The following AKR1C3 variants were observed in gnomAD, a reference collection of about 807,000 sequenced individuals.
AKR1C3 encodes 3-alpha hydroxysteroid dehydrogenase, type II.
A neutral mutation model predicts 43.6 loss-of-function variants in AKR1C3; 48 were observed. The ratio of observed to expected loss-of-function variants is 1.10; its 90% CI spans 0.87 to 1.40. The LOEUF is 1.40. Ranked by LOEUF, AKR1C3 falls within the 40% of genes most tolerant of loss-of-function variation. The probability of loss-of-function intolerance (pLI) is 0.00; values close to 1 mark genes in which losing one functional copy is unlikely to be tolerated. For missense variants in AKR1C3, 482 were observed against 391.2 expected, an observed-to-expected ratio of 1.23 and a Z score of -1.96; for synonymous variants, 162 against 139.6, an observed-to-expected ratio of 1.16 and a Z score of -1.13.
chr10:5,067,591 G>T (rs1374432643), intron 1 of AKR1C3, among the ~76,000 whole-genome samples: 1 of 150,484 alleles, frequency 6.6e-6, no homozygotes, highest in Non-Finnish European at 1.5e-5. Context: ...CAGCCCTCTT[G>T]CATGGGAAAG....
At chr10:5,106,656 C>T (rs2131855655) in intron 8 of AKR1C3, among the ~76,000 whole-genome samples, 1 of 151,556 alleles carries the variant, frequency 6.6e-6, no homozygotes, top group Middle Eastern at 3.4e-3. Context: ...AAGGCTGAGG[C>T]AGGAGAATCG....
intron 4 of AKR1C3, 78 bp downstream of exon 4, chr10:5,098,957 T>A: frequency 8.5e-7 from 1 of 1,179,526 alleles, no homozygotes; most frequent in Non-Finnish European, 1.2e-6. Flanking sequence ...TAGGAAAGAA[T>A]GGAATATGCA....
At position 5,094,442 on chromosome 10, in the gene AKR1C3, G is replaced by T; in HGVS notation, c.-3G>T. On this transcript the variant is annotated 5_prime_UTR_variant, in exon 1 of 9. Coordinates refer to ENST00000380554, the MANE Select transcript of AKR1C3 (RefSeq NM_003739.6). ...CATTTGCTAGTCAGACAAGTGACAG[G>T]GAATGGATTCCAAACACCAGTGTGT... The T allele has an allele frequency of 6.2e-7, 1 of 1,608,558 alleles. No individual in the cohort carries two copies. The highest frequency in any genetic ancestry group is 8.5e-7 in the Non-Finnish European group (1 of 1,175,380).
chr10:5,064,089 C>G (rs369638295), intron 1 of AKR1C3, among the ~76,000 whole-genome samples: 1 of 152,180 alleles, frequency 6.6e-6, no homozygotes, highest in African/African-American at 2.4e-5. Context: ...AAAATTATAT[C>G]GTGAGATTGC....
At chr10:5,053,129 C>G (rs1165444329) in intron 1 of AKR1C3, among the ~76,000 whole-genome samples, 1 of 152,258 alleles carries the variant, frequency 6.6e-6, no homozygotes, top group Non-Finnish European at 1.5e-5. Context: ...GCCTGCCAGT[C>G]CCGTGCCATG....
At position 5,102,082 on chromosome 10, in the gene AKR1C3, C is replaced by T; in HGVS notation, c.571-19C>T. 1.4e-6 allele frequency: 2 copies of T among 1,468,788 alleles called. No individual in the cohort carries two copies. Among genetic ancestry groups the T allele is most frequent in the South Asian group, 2.3e-5 (2 of 86,652 alleles). 91.0% of individuals were successfully genotyped at this position (1,468,788 alleles called of 1,614,324 possible). On this transcript the variant is annotated intron_variant, in intron 5 of 8. Transcript: ENST00000380554. ...CTATTTCATATAAATTGATGCTTCT[C>T]TCTTTTGGTCAACTGCAGGTAGAAT... is the stretch of plus-strand genomic sequence containing the variant.
intron 1 of AKR1C3, among the ~76,000 whole-genome samples, chr10:5,067,362 GGTTA>G (rs1270816877): frequency 2.6e-5 from 4 of 152,230 alleles, no homozygotes; most frequent in East Asian, 3.9e-4. Flanking sequence ...AAATTTCCCT[GGTTA>G]GTTTTACCTT....
intron 1 of AKR1C3, among the ~76,000 whole-genome samples, chr10:5,067,938 T>C (rs1470155494): frequency 6.6e-6 from 1 of 152,216 alleles, no homozygotes; most frequent in African/African-American, 2.4e-5. Flanking sequence ...TGAATACCAG[T>C]TGATTCTCCA....
At chr10:5,061,673 A>C (rs1472946294) in intron 1 of AKR1C3, among the ~76,000 whole-genome samples, 1 of 152,204 alleles carries the variant, frequency 6.6e-6, no homozygotes, top group South Asian at 2.1e-4. Flanking sequence ...CTGATGCCCA[A>C]TTACAGTATT....
At chr10:5,053,819 G>C (rs1838206603) in intron 1 of AKR1C3, among the ~76,000 whole-genome samples, 1 of 152,244 alleles carries the variant, frequency 6.6e-6, no homozygotes, top group South Asian at 2.1e-4. Flanking sequence ...CCAGCAGGTT[G>C]GTCCAGGGGT....
chr10:5,100,361 GGAACT>G (rs1554785766), intron 5 of AKR1C3, among the ~76,000 whole-genome samples: 2 of 152,212 alleles, frequency 1.3e-5, no homozygotes, highest in African/African-American at 2.4e-5. Context: ...TCAACACTGA[GGAACT>G]TTAGCAGAAC....
chr10:5,064,921 C>CAAAAAA (rs35858845), intron 1 of AKR1C3, among the ~76,000 whole-genome samples: 2,285 of 141,750 alleles, frequency 0.016, 74 homozygotes, highest in African/African-American at 0.058. Context: ...ACAAAATAAG[C>CAAAAAA]AAAAAAAAAA....
At chr10:5,099,573 G>C in intron 5 of AKR1C3, 124 bp downstream of exon 5, 1 of 1,509,130 alleles carries the variant, frequency 6.6e-7, no homozygotes, top group Non-Finnish European at 9.0e-7. Flanking sequence ...AGAGAGCAAA[G>C]CTTCTGTCAA....
chr10:5,063,016 C>A (rs1238950763), intron 1 of AKR1C3, among the ~76,000 whole-genome samples: 1 of 152,028 alleles, frequency 6.6e-6, no homozygotes, highest in Non-Finnish European at 1.5e-5. Flanking sequence ...GTGAATAATT[C>A]AGGATGAAGG....
At chr10:5,102,977 G>A (rs1235776825) in intron 7 of AKR1C3, among the ~76,000 whole-genome samples, 2 of 148,338 alleles carry the variant, frequency 1.3e-5, no homozygotes, top group Non-Finnish European at 3.0e-5. Flanking sequence ...GTCTCATTCT[G>A]TCTCCCAGAT....
In AKR1C3 at chr10:5,063,925, C is replaced by T. The variant is rs189829469; in HGVS notation, c.84+15030C>T. Among the ~76,000 whole-genome samples, 1,166 of 152,096 alleles carry T rather than the reference C, an allele frequency of 7.7e-3. 8 individuals are homozygous for T. Among genetic ancestry groups the T allele is most frequent in the Middle Eastern group, 0.014 (4 of 290 alleles). On this transcript the variant is annotated intron_variant, in intron 1 of 8. Coordinates refer to the AKR1C3 transcript ENST00000439082. ...GACATGAAAGCATGAAGAGAAAATT[C>T]TCTCAATGTCATTGCCTCGCCAACT...
At chr10:5,065,615 C>T (rs1554780726) in intron 1 of AKR1C3, among the ~76,000 whole-genome samples, 1 of 152,180 alleles carries the variant, frequency 6.6e-6, no homozygotes, top group African/African-American at 2.4e-5. Context: ...TGGTAATGGG[C>T]ATGAGCATAG....
intron 1 of AKR1C3, among the ~76,000 whole-genome samples, chr10:5,072,812 A>G (rs1043672755): frequency 1.3e-5 from 2 of 152,164 alleles, no homozygotes; most frequent in Non-Finnish European, 1.5e-5. Context: ...TTACATGAAG[A>G]CCAGTTATCA....
chr10:5,094,201 T>A, upstream of AKR1C3: 1 of 249,494 alleles, frequency 4.0e-6, no homozygotes, highest in Non-Finnish European at 7.8e-6. Flanking sequence ...TAGAAATTAA[T>A]GAGTTTATTA....
Sources: allele counts gnomAD v4.1 joint callset (sites outside exome capture counted in the v4.1 genomes callset), GRCh38; gene constraint gnomAD v4.1.1; transcripts MANE v1.5; gene names NCBI Gene and HGNC (gene_info 2026-07-23, HGNC 2026-07-21).